Variants in SGSH observed in about 807,000 individuals in gnomAD.
The protein encoded by SGSH is heparan sulfate sulfatase.
In SGSH, 48 loss-of-function variants were observed where a neutral mutation model predicts 51.0. The ratio of observed to expected loss-of-function variants is 0.94; its 90% confidence interval spans 0.75 to 1.20. The LOEUF (loss-of-function observed/expected upper bound fraction) is 1.20, where lower values mean the gene tolerates loss of function less well. Among genes scored for constraint, SGSH ranks in the 50% most tolerant of loss-of-function variants. The pLI is 0.00. For missense variants in SGSH, 662 were observed against 717.8 expected (o/e 0.92, Z 0.89); for synonymous variants, 321 against 313.4 (o/e 1.02, Z -0.26).
At position 80,213,574 on chromosome 17, in the gene SGSH, G is replaced by A. The variant is rs57224130; in HGVS notation, c.745+230C>T. 273 of 587,442 alleles carry A rather than the reference G, an allele frequency of 4.6e-4. No individual in the cohort carries two copies. The highest frequency in any genetic ancestry group is 4.4e-3 in the African/African-American group (235 of 53,706). 36.4% of individuals were successfully genotyped at this position (587,442 alleles called of 1,614,324 possible). On this transcript the variant is annotated intron_variant, in intron 6 of 7. Coordinates refer to ENST00000326317, the MANE Select transcript of SGSH (RefSeq NM_000199.5). The surrounding 1 kb of genome is among the most constrained non-coding windows in gnomAD (Gnocchi z 4.6). The stretch of plus-strand genomic sequence containing the variant: ...CTGAAGTCTTCACGCAACCTCTGGG[G>A]CACCCGAAGGCCCCAGCCCAGGAGC...
At position 80,212,845 on chromosome 17, in the gene SGSH, A is replaced by G. The variant is rs918837399; in HGVS notation, c.746-571T>C. ...CTTCACGAATAAAGATCTTGGGACA[A>G]AATCATCCTGAAGTGCTCAGGTAGG... On this transcript the variant is annotated intron_variant, in intron 6 of 7. Coordinates refer to ENST00000326317, the MANE Select transcript of SGSH (RefSeq NM_000199.5). The surrounding 1 kb of genome is among the most constrained non-coding windows in gnomAD (Gnocchi z 5.9). 26 of 189,854 alleles carry G rather than the reference A, an allele frequency of 1.4e-4. No individual in the cohort carries two copies. The South Asian group carries it at 2.5e-3, about 18-fold the overall frequency. The allele number at this position is 189,854 out of a possible 1,614,324, so 11.8% of individuals were successfully genotyped here.
At chr17:80,219,951 T>G in intron 1 of SGSH, 1 of 371,860 alleles carries the variant, frequency 2.7e-6, no homozygotes, top group Non-Finnish European at 4.8e-6. Context: ...GAGCCCTGGC[T>G]GGGCAGGGTC....
downstream of SGSH, chr17:80,202,108 T>C: frequency 7.1e-7 from 1 of 1,409,840 alleles, no homozygotes; most frequent in South Asian, 1.2e-5. Context: ...TCTCCTACTT[T>C]AATTTTCTGC....
chr17:80,210,478 A>G lies in SGSH; in HGVS notation c.1483T>C (p.Cys495Arg), dbSNP rs902685421. The G allele has an allele frequency of 3.7e-6, 6 of 1,600,640 alleles. No individual in the cohort carries two copies. Among genetic ancestry groups the G allele is most frequent in the African/African-American group, 1.3e-5 (1 of 74,978 alleles). Residue 495 changes from cysteine (C) to arginine (R), a missense_variant, in exon 8 of 8, where the codon TGC (cysteine) becomes CGC (arginine). By Grantham distance (180) the Cys-to-Arg change is radical. Transcript: ENST00000326317. ...CACAGCTCATTGTGGAGGGGCTGGC[A>G]CTGGGGAGAGAGCTTCTCCTCCAGG... ...GVLEEKLSPQ[C>R]QPLHNEL
Position 80,209,871 on chromosome 17 carries a change from C to T in SGSH, c.*581G>A, listed in dbSNP as rs1235136338. ...GGGGAACAGGGACTTGACCATGGGG[C>T]AAAACAGAAGAAGCAGAAACCTGCC... On this transcript the variant is annotated 3_prime_UTR_variant, in exon 8 of 8. Transcript: ENST00000326317. 4 of 990,066 alleles carry T rather than the reference C, an allele frequency of 4.0e-6. No homozygotes were observed. The highest frequency in any genetic ancestry group is 3.5e-5 in the African/African-American group (2 of 57,266). 61.3% of individuals were successfully genotyped at this position (990,066 alleles called of 1,614,324 possible). A position where few individuals can be genotyped will look rare whatever the true frequency, so the allele number is the denominator to read the frequency against.
At chr17:80,211,935 G>C (rs551760252) in intron 7 of SGSH, 136 bp downstream of exon 7, 1 of 742,174 alleles carries the variant, frequency 1.3e-6, no homozygotes, top group East Asian at 2.7e-5. Context: ...TGTAGAGTGG[G>C]AGTGACAGTC....
chr17:80,208,132 G>A, downstream of SGSH: 2 of 1,532,112 alleles, frequency 1.3e-6, no homozygotes, highest in African/African-American at 1.4e-5. Flanking sequence ...ACTCTGGCCT[G>A]TGCAGGAAGG....
rs1470610379 is a variant in SGSH, at chr17:80,213,978, C to T, written c.664-93G>A. On this transcript the variant is annotated intron_variant, in intron 5 of 7. Coordinates refer to ENST00000326317, the MANE Select transcript of SGSH (RefSeq NM_000199.5). The surrounding 1 kb of genome is among the most constrained non-coding windows in gnomAD (Gnocchi z 4.6). ...CCGGGGCCTCCTGCAAATGGGTTAG[C>T]CCAGAACAGCCTCACTCCGGACCAC... is the stretch of plus-strand genomic sequence containing the variant. 1 of 1,355,312 alleles carries T rather than the reference C, an allele frequency of 7.4e-7. No homozygotes were observed. Among genetic ancestry groups the T allele is most frequent in the Non-Finnish European group, 1.0e-6 (1 of 976,178 alleles). 84.0% of individuals were successfully genotyped at this position (1,355,312 alleles called of 1,614,324 possible). A position where few individuals can be genotyped will look rare whatever the true frequency, so the allele number is the denominator to read the frequency against.
At chr17:80,208,338 C>T, downstream of SGSH, 1 of 1,594,920 alleles carries the variant, frequency 6.3e-7, no homozygotes. Flanking sequence ...GAGCAGAGCC[C>T]CCGATGATGC....
At chr17:80,204,785 G>A, downstream of SGSH, 1 of 490,538 alleles carries the variant, frequency 2.0e-6, no homozygotes, top group South Asian at 3.8e-5. Flanking sequence ...ATAGGAAACA[G>A]GATTAAGTTG....
In SGSH at chr17:80,212,548, C is replaced by G. The variant is rs2041710937; in HGVS notation, c.746-274G>C. ...TGTGTCACCCCCAGGCAGCTGCTCC[C>G]TGGTGCCCGCCGGCTTTTGAGTTCT... On this transcript the variant is annotated intron_variant, in intron 6 of 7. Coordinates refer to ENST00000326317, the MANE Select transcript of SGSH (RefSeq NM_000199.5). The surrounding 1 kb of genome is among the most constrained non-coding windows in gnomAD (Gnocchi z 5.9). 7.6e-6 allele frequency: 4 copies of G among 523,724 alleles called. No individual in the cohort carries two copies. Among genetic ancestry groups the G allele is most frequent in the Non-Finnish European group, 1.4e-5 (4 of 287,676 alleles). 32.4% of individuals were successfully genotyped at this position (523,724 alleles called of 1,614,324 possible). A position where few individuals can be genotyped will look rare whatever the true frequency, so the allele number is the denominator to read the frequency against.
chr17:80,215,681 T>C (rs2041864058), intron 2 of SGSH, among the ~76,000 whole-genome samples: 1 of 151,938 alleles, frequency 6.6e-6, no homozygotes, highest in African/African-American at 2.4e-5. Flanking sequence ...TAGCTGGGCG[T>C]GGTGGCGGGC....
downstream of SGSH, chr17:80,205,184 G>T: frequency 6.2e-7 from 1 of 1,613,366 alleles, no homozygotes; most frequent in South Asian, 1.1e-5. Flanking sequence ...CCTCCTCCAA[G>T]GGTTTAAGAA....
chr17:80,202,089 C>A, downstream of SGSH: 3 of 1,186,604 alleles, frequency 2.5e-6, no homozygotes, highest in Admixed American at 1.9e-5. Flanking sequence ...CTGGGAGGGT[C>A]CTTCCTTCTC....
At position 80,215,126 on chromosome 17, in the gene SGSH, TC is replaced by T; in HGVS notation, c.261del (p.Met88CysfsTer176). The T allele has an allele frequency of 6.2e-7, 1 of 1,611,132 alleles. No individual in the cohort carries two copies. On this transcript the variant is annotated frameshift_variant, in exon 3 of 8. Transcript: ENST00000326317. LOFTEE classifies it high-confidence loss of function. The part of the protein sequence containing the change: ...LLTGLPQHQN[G>X]MYGLHQDVHH... ...TGCACGTCCTGGTGCAGCCCGTACA[TC>T]CCATTCTGATGCTGCCAGCAAAGGC...
At chr17:80,204,094 C>A, downstream of SGSH, 2 of 923,416 alleles carry the variant, frequency 2.2e-6, no homozygotes, top group Non-Finnish European at 3.3e-6. Flanking sequence ...AGACACACCT[C>A]AGGCTGTTCT....
downstream of SGSH, chr17:80,203,811 G>A: frequency 6.4e-7 from 1 of 1,564,582 alleles, no homozygotes; most frequent in Admixed American, 1.9e-5. The surrounding 1 kb of genome is among the most constrained non-coding windows in gnomAD (Gnocchi z 4.6). Context: ...GGCCTCTGCT[G>A]GTCTCTGCAG....
chr17:80,214,693 C>A lies in SGSH; in HGVS notation c.428G>T (p.Gly143Val). The A allele has an allele frequency of 6.2e-7, 1 of 1,612,760 alleles. No homozygotes were observed. Among genetic ancestry groups the A allele is most frequent in the Non-Finnish European group, 8.5e-7 (1 of 1,179,478 alleles). Reference sequence around the variant, plus strand: ...GTTCCGCCCCACCTGGAGGACGGAGCCATTCTCCTCCGTGTACGCAAAGTC... The same window carrying A: ...GTTCCGCCCCACCTGGAGGACGGAGACATTCTCCTCCGTGTACGCAAAGTC... ...PFDFAYTEEN[G>V]SVLQVGRNIT... is the part of the protein sequence containing the mutation. The change falls in exon 4 of 8, where the codon GGC becomes GTC. Residue 143 changes from glycine to valine, a missense_variant. Gly to Val is a moderately radical substitution (Grantham distance 109). Transcript: ENST00000326317.
At chr17:80,205,630 C>T (rs748879904), downstream of SGSH, 2 of 1,467,072 alleles carry the variant, frequency 1.4e-6, no homozygotes, top group South Asian at 1.2e-5. Context: ...ACCCGCCATG[C>T]TGTGGAGTCC....
Sources: gnomAD v4.1 joint callset for allele counts (sites outside exome capture counted in the v4.1 genomes callset) on GRCh38, gnomAD v4.1.1 for gene constraint, Gnocchi (gnomAD v3.1) non-coding constraint, MANE v1.5 for transcripts, NCBI Gene and HGNC (gene_info 2026-07-23, HGNC 2026-07-21) for gene names.